Variants in DNM3 observed in about 807,000 individuals in gnomAD.
DNM3 encodes dynamin-3.
DNM3 carries 47 observed loss-of-function variants against 101.6 expected under a neutral mutation model. That is an observed-to-expected ratio of 0.46 (90% CI 0.37 to 0.59). The LOEUF (loss-of-function observed/expected upper bound fraction) is 0.59. Among genes scored for constraint, DNM3 ranks in the 20% least tolerant of loss-of-function variants. The pLI is 0.00. For missense variants in DNM3, 849 were observed against 1,085.7 expected, an observed-to-expected ratio of 0.78 and a Z score of 3.06; for synonymous variants, 385 against 387.9, an observed-to-expected ratio of 0.99 and a Z score of 0.09.
chr1:171,922,670 T>C lies in DNM3; in HGVS notation c.235+849T>C, dbSNP rs559370631. ...GTTTGATCACTCCCAAAAGAAAGCC[T>C]GTATGTTTCTGCTGTCACCTCTTTT... On this transcript the variant is annotated intron_variant, in intron 2 of 20. Transcript: ENST00000627582. Among the ~76,000 whole-genome samples, 3 of 152,302 alleles carry C rather than the reference T, an allele frequency of 2.0e-5. No homozygotes were observed. The South Asian group carries it at 6.2e-4, about 32-fold the overall frequency.
chr1:171,886,863 T>G (rs893791951), intron 1 of DNM3, among the ~76,000 whole-genome samples: 5 of 152,224 alleles, frequency 3.3e-5, no homozygotes, highest in Non-Finnish European at 5.9e-5. Context: ...AACTTTTTTT[T>G]TGTGAGTTGG....
chr1:172,106,629 C>A (rs1454428277), intron 13 of DNM3, among the ~76,000 whole-genome samples: 2 of 151,944 alleles, frequency 1.3e-5, no homozygotes, highest in Non-Finnish European at 2.9e-5. Context: ...AAAGTAAATT[C>A]TTCTATTCCT....
Position 172,388,596 on chromosome 1 carries a change from C to T in DNM3, c.2309C>T (p.Thr770Ile), listed in dbSNP as rs1326122034. The change falls in exon 20 of 21, where the codon ACC becomes ATC. Residue 770 changes from threonine (T) to isoleucine (I), a missense_variant. Transcript: ENST00000627582. ...SRRSPPPSPT[T>I]QRRPTLSAPL... is the part of the protein sequence containing the mutation. ...AGGTCACCTCCTCCAAGCCCCACAA[C>T]CCAAAGGAGGCCAACACTAAGTGCT... The T allele has an allele frequency of 6.2e-7, 1 of 1,614,030 alleles. No individual in the cohort carries two copies.
intron 4 of DNM3, among the ~76,000 whole-genome samples, chr1:171,997,031 CAA>C (rs113315153): frequency 1.4e-5 from 2 of 140,038 alleles, no homozygotes; most frequent in Non-Finnish European, 3.1e-5. Flanking sequence ...GACCTTGTCT[CAA>C]AAAAAAAAAG....
chr1:172,203,521 G>T (rs2060223233), intron 14 of DNM3, among the ~76,000 whole-genome samples: 1 of 152,126 alleles, frequency 6.6e-6, no homozygotes, highest in African/African-American at 2.4e-5. Context: ...AACATGATAT[G>T]AATCTATTTT....
chr1:171,858,354 A>G (rs2033826440), intron 1 of DNM3, among the ~76,000 whole-genome samples: 1 of 151,976 alleles, frequency 6.6e-6, no homozygotes, highest in South Asian at 2.1e-4. Context: ...TTCTCTCTTC[A>G]TTTTCTTAAT....
At chr1:172,405,651 T>C (rs1289115112) in intron 20 of DNM3, among the ~76,000 whole-genome samples, 1 of 152,034 alleles carries the variant, frequency 6.6e-6, no homozygotes, top group Non-Finnish European at 1.5e-5. Context: ...AATTCCATTA[T>C]CAAAACTTCT....
chr1:172,118,454 T>G (rs1414352488), intron 13 of DNM3, among the ~76,000 whole-genome samples: 1 of 152,246 alleles, frequency 6.6e-6, no homozygotes, highest in Non-Finnish European at 1.5e-5. Context: ...CACATCTTGT[T>G]GCTTCCCTTT....
intron 4 of DNM3, among the ~76,000 whole-genome samples, chr1:172,022,232 T>G (rs2047898272): frequency 6.6e-6 from 1 of 152,152 alleles, no homozygotes; most frequent in Non-Finnish European, 1.5e-5. Context: ...TCTTGGTGGT[T>G]GTTTTGAATC....
rs756248585 is a variant in DNM3 at position 172,388,747 on chromosome 1, C to A, written c.2460C>A (p.Asp820Glu). The A allele has an allele frequency of 1.2e-6, 2 of 1,611,562 alleles. No homozygotes were observed. The highest frequency in any genetic ancestry group is 2.2e-5 in the South Asian group (2 of 90,456). The change falls in exon 20 of 21, where the codon GAC becomes GAA. Residue 820 changes from aspartate (D) to glutamate (E), a missense_variant. By Grantham distance (45) the Asp-to-Glu change is conservative (BLOSUM62 2). This residue lies in a region of DNM3 where 256 missense variants were observed against 311.7 expected (regional missense o/e 0.82). Coordinates refer to ENST00000627582, the MANE Select transcript of DNM3 (RefSeq NM_015569.5). ...GPLPPFPSSS[D>E]SFGAPPQVPS... ...TACCTCCTTTCCCCAGCAGCAGTGA[C>A]TCCTTCGGAGCCCCTCCACAAGTTC...
chr1:172,333,976 G>T (rs541211822), intron 17 of DNM3, among the ~76,000 whole-genome samples: 2 of 152,072 alleles, frequency 1.3e-5, no homozygotes, highest in Non-Finnish European at 2.9e-5. Context: ...TATCACAAGG[G>T]CTTTAAAGAG....
Position 172,228,838 on chromosome 1 carries a change from G to A in DNM3, c.1660-24735G>A, listed in dbSNP as rs562736494. Reference sequence around the variant, plus strand: ...AGATGTTTTTTAGTAGATACCCTACGTTCATTTAATGGTTGATTTGGAGTG... The same window carrying A: ...AGATGTTTTTTAGTAGATACCCTACATTCATTTAATGGTTGATTTGGAGTG... On this transcript the variant is annotated intron_variant, in intron 14 of 20. Coordinates refer to ENST00000627582, the MANE Select transcript of DNM3 (RefSeq NM_015569.5). Among the ~76,000 whole-genome samples the A allele has an allele frequency of 4.6e-5, 7 of 152,102 alleles. No individual in the cohort carries two copies. In the South Asian group the frequency reaches 8.3e-4, roughly 18 times the overall value.
chr1:172,412,732 T>C, downstream of DNM3: 1 of 985,668 alleles, frequency 1.0e-6, no homozygotes, highest in South Asian at 4.7e-5. Context: ...TTTTCCTCAT[T>C]CTTGTATATA....
intron 14 of DNM3, among the ~76,000 whole-genome samples, chr1:172,136,293 G>T (rs944244564): frequency 1.3e-5 from 2 of 152,142 alleles, no homozygotes; most frequent in African/African-American, 4.8e-5. Flanking sequence ...GAAACAAAAT[G>T]ACAGTTATAT....
intron 14 of DNM3, among the ~76,000 whole-genome samples, chr1:172,247,125 A>G (rs1371037540): frequency 6.6e-6 from 1 of 152,092 alleles, no homozygotes; most frequent in Non-Finnish European, 1.5e-5. Context: ...TCTTGGTGGC[A>G]TAGTCATTCT....
intron 4 of DNM3, among the ~76,000 whole-genome samples, chr1:171,990,209 ATTGT>A (rs756740965): frequency 2.6e-5 from 4 of 151,502 alleles, no homozygotes; most frequent in South Asian, 2.1e-4. Context: ...TTGTTTTCTG[ATTGT>A]TTGTTTTTGT....
Position 172,410,984 on chromosome 1 carries a change from G to A in DNM3, c.*3143G>A, listed in dbSNP as rs994568454. 26 of 985,058 alleles carry A rather than the reference G, an allele frequency of 2.6e-5. No homozygotes were observed. The highest frequency in any genetic ancestry group is 6.2e-5 in the Admixed American group (1 of 16,242). The allele number at this position is 985,058 out of a possible 1,614,324, so 61.0% of individuals were successfully genotyped here. A position where few individuals can be genotyped will look rare whatever the true frequency, so the allele number is the denominator to read the frequency against. ...GCATATACCTAGTAAGTATGTTTCT[G>A]TAAGTATGTGTATTTTATGTCCATT... On this transcript the variant is annotated 3_prime_UTR_variant, in exon 21 of 21. Transcript: ENST00000627582.
intron 2 of DNM3, among the ~76,000 whole-genome samples, chr1:171,979,003 T>A (rs925119751): frequency 3.3e-5 from 5 of 151,762 alleles, no homozygotes; most frequent in African/African-American, 4.9e-5. Flanking sequence ...TTAGATGAGA[T>A]CACTTAGAGA....
intron 4 of DNM3, among the ~76,000 whole-genome samples, chr1:171,990,712 C>T (rs1378388770): frequency 6.6e-6 from 1 of 152,082 alleles, no homozygotes; most frequent in Non-Finnish European, 1.5e-5. Flanking sequence ...TTATTTTCAG[C>T]TCTTCCTATA....
Sources: allele counts gnomAD v4.1 joint callset (sites outside exome capture counted in the v4.1 genomes callset), GRCh38; gene constraint gnomAD v4.1.1; regional missense constraint gnomAD v4.1.1; transcripts MANE v1.5; gene names NCBI Gene and HGNC (gene_info 2026-07-23, HGNC 2026-07-21).